The following FAF1 variants were observed in gnomAD, a reference collection of about 807,000 sequenced individuals.
The protein encoded by FAF1 is Fas associated factor 1, also known as FAS-associated factor 1.
A neutral mutation model predicts 92.5 loss-of-function variants in FAF1; 25 were observed. The ratio of observed to expected loss-of-function variants is 0.27; its 90% confidence interval spans 0.20 to 0.38. The LOEUF is 0.38. Ranked by LOEUF, FAF1 falls within the 10% of genes least tolerant of loss-of-function variation. The pLI, the probability that FAF1 is intolerant of heterozygous loss-of-function variation, is 1.00. For synonymous variants in FAF1, 234 were observed against 273.2 expected (o/e 0.86, Z 1.42); for missense variants, 636 against 793.3 (o/e 0.80, Z 2.38).
chr1:50,585,921 G>A (rs1157278920), intron 9 of FAF1, among the ~76,000 whole-genome samples: 1 of 150,926 alleles, frequency 6.6e-6, no homozygotes, highest in African/African-American at 2.4e-5. Flanking sequence ...CTGGCATGAT[G>A]GTGTGCCGCT....
chr1:50,851,571 C>G (rs1033201168), intron 2 of FAF1, among the ~76,000 whole-genome samples: 1 of 152,036 alleles, frequency 6.6e-6, no homozygotes, highest in African/African-American at 2.4e-5. Context: ...ACATATTAGC[C>G]ACATTTCCAA....
intron 2 of FAF1, among the ~76,000 whole-genome samples, chr1:50,851,224 G>A (rs1402540647): frequency 6.6e-6 from 1 of 152,042 alleles, no homozygotes. Context: ...GGGACCACAG[G>A]CATGCGCCAC....
At chr1:50,756,263 T>C (rs1299731407) in intron 4 of FAF1, among the ~76,000 whole-genome samples, 1 of 150,740 alleles carries the variant, frequency 6.6e-6, no homozygotes, top group Admixed American at 6.6e-5. Context: ...CCCTAAATCA[T>C]CTCCTCAAGT....
At chr1:50,491,828 TTGACATATAA>T in intron 15 of FAF1, 27 bp from the exon 16 acceptor site, 1 of 1,569,530 alleles carries the variant, frequency 6.4e-7, no homozygotes, top group Non-Finnish European at 8.7e-7. Context: ...CAAATATTTT[TTGACATATAA>T]CTTTTTTTTG....
At chr1:50,834,964 T>C (rs1216165844) in intron 2 of FAF1, among the ~76,000 whole-genome samples, 1 of 152,168 alleles carries the variant, frequency 6.6e-6, no homozygotes, top group African/African-American at 2.4e-5. Flanking sequence ...TCTTGAATAA[T>C]GAATGCAACA....
At chr1:50,868,257 ATC>A (rs1644498331) in intron 1 of FAF1, among the ~76,000 whole-genome samples, 3 of 152,160 alleles carry the variant, frequency 2.0e-5, no homozygotes, top group Admixed American at 2.0e-4. Context: ...GAGCACCAAA[ATC>A]TCAGAAATCA....
chr1:50,445,245 C>T (rs1001432606), intron 18 of FAF1, among the ~76,000 whole-genome samples: 27 of 152,222 alleles, frequency 1.8e-4, no homozygotes, highest in African/African-American at 6.0e-4. Flanking sequence ...GCAACCTTCC[C>T]GCTGAGTCCC....
intron 1 of FAF1, among the ~76,000 whole-genome samples, chr1:50,908,700 C>T (rs1484877047): frequency 3.3e-5 from 5 of 151,300 alleles, no homozygotes; most frequent in Non-Finnish European, 5.9e-5. Context: ...GCAACCCCTG[C>T]CTTTTTTTTT....
chr1:50,464,207 A>C (rs1004916087), intron 18 of FAF1, among the ~76,000 whole-genome samples: 1 of 152,020 alleles, frequency 6.6e-6, no homozygotes, highest in African/African-American at 2.4e-5. Context: ...GTGTCTCTCT[A>C]TGTTGCCCAG....
Position 50,448,982 on chromosome 1 carries a change from G to A in FAF1, c.1870-7459C>T, listed in dbSNP as rs74082527. On this transcript the variant is annotated intron_variant, in intron 18 of 18. Coordinates refer to ENST00000396153, the MANE Select transcript of FAF1 (RefSeq NM_007051.3). ...AAAGTCTGTTTGGTCTTGATTAAAA[G>A]ATGGGAAAATCAACTAGTCAGGGCA... 9.8e-3 allele frequency among the ~76,000 whole-genome samples: 1,348 copies of A among 137,024 alleles called. 17 individuals are homozygous for A. Among genetic ancestry groups the A allele is most frequent in the African/African-American group, 0.035 (1,298 of 37,022 alleles). The allele number at this position is 137,024 out of a possible 152,430, so 89.9% of individuals were successfully genotyped here.
intron 18 of FAF1, among the ~76,000 whole-genome samples, chr1:50,453,655 C>T (rs1258287586): frequency 1.3e-5 from 2 of 152,168 alleles, no homozygotes; most frequent in Non-Finnish European, 2.9e-5. Context: ...GGTCCAGCAG[C>T]GGCCTGTACA....
At chr1:50,539,857 A>G in intron 13 of FAF1, 129 bp from the exon 14 acceptor site, 2 of 643,066 alleles carry the variant, frequency 3.1e-6, no homozygotes, top group Non-Finnish European at 5.3e-6. Flanking sequence ...CAATATGTAA[A>G]ATCTTGCTAT....
chr1:50,776,209 A>G (rs1274581716), intron 4 of FAF1, among the ~76,000 whole-genome samples: 6 of 152,204 alleles, frequency 3.9e-5, no homozygotes, highest in African/African-American at 1.4e-4. Flanking sequence ...AAGCTAACTT[A>G]TGCTCAAGTA....
chr1:50,529,301 C>T (rs1448731178), intron 15 of FAF1, among the ~76,000 whole-genome samples: 1 of 152,126 alleles, frequency 6.6e-6, no homozygotes, highest in Non-Finnish European at 1.5e-5. Context: ...GTAAATCTGA[C>T]AATAACATAT....
chr1:50,518,197 T>G (rs1647308077), intron 15 of FAF1, among the ~76,000 whole-genome samples: 1 of 152,206 alleles, frequency 6.6e-6, no homozygotes, highest in South Asian at 2.1e-4. Context: ...AAACATCATA[T>G]AATAGAACTG....
intron 7 of FAF1, among the ~76,000 whole-genome samples, chr1:50,663,676 T>C (rs1037843207): frequency 6.6e-6 from 1 of 151,616 alleles, no homozygotes; most frequent in Non-Finnish European, 1.5e-5. Flanking sequence ...GTGCTAGGAT[T>C]ACTGGCGTGA....
rs564775119 is a variant in FAF1, at chr1:50,447,115, T to G, written c.1870-5592A>C. On this transcript the variant is annotated intron_variant, in intron 18 of 18. Coordinates refer to ENST00000396153, the MANE Select transcript of FAF1 (RefSeq NM_007051.3). ...ACCAACAGAGGCTTCTCAAAACATA[T>G]TCCTGCTTTTTTTTTTTTTTTTTTT... Among the ~76,000 whole-genome samples, 24 of 148,590 alleles carry G rather than the reference T, an allele frequency of 1.6e-4. 1 individual carries two copies. The South Asian group carries it at 4.9e-3, about 30-fold the overall frequency.
intron 8 of FAF1, among the ~76,000 whole-genome samples, chr1:50,643,789 C>G (rs541607200): frequency 6.6e-6 from 1 of 152,104 alleles, no homozygotes. Context: ...GCTGGGGTTT[C>G]GCCATGTTGG....
intron 1 of FAF1, among the ~76,000 whole-genome samples, chr1:50,888,938 G>A (rs1644694477): frequency 6.6e-6 from 1 of 152,158 alleles, no homozygotes; most frequent in South Asian, 2.1e-4. Flanking sequence ...CAGAAGGAAT[G>A]GTACCAGCTC....
Sources: gnomAD v4.1 joint callset for allele counts (sites outside exome capture counted in the v4.1 genomes callset) on GRCh38, gnomAD v4.1.1 for gene constraint, MANE v1.5 for transcripts, NCBI Gene and HGNC (gene_info 2026-07-23, HGNC 2026-07-21) for gene names.